Variants in CNBD1 observed in about 807,000 individuals in gnomAD.
CNBD1 encodes the protein cyclic nucleotide binding domain containing 1.
Under a neutral mutation model 54.4 loss-of-function variants are expected in CNBD1, and 71 were observed. That is an observed-to-expected ratio of 1.30 (90% CI 1.08 to 1.59). The LOEUF (loss-of-function observed/expected upper bound fraction) is 1.59, where lower values mean the gene tolerates loss of function less well. CNBD1 is among the 40% of genes most tolerant of loss of function. CNBD1 has a pLI of 0.00. For missense variants in CNBD1, 659 were observed against 518.0 expected, an observed-to-expected ratio of 1.27 and a Z score of -2.64; for synonymous variants, 182 against 170.7, an observed-to-expected ratio of 1.07 and a Z score of -0.51.
intron 10 of CNBD1, among the ~76,000 whole-genome samples, chr8:87,374,217 T>G (rs1229343412): frequency 6.6e-6 from 1 of 151,824 alleles, no homozygotes; most frequent in African/African-American, 2.4e-5. Flanking sequence ...TTGTGAATAT[T>G]TACCGTGCAC....
At chr8:87,062,082 G>A (rs1345122868) in intron 4 of CNBD1, among the ~76,000 whole-genome samples, 1 of 152,224 alleles carries the variant, frequency 6.6e-6, no homozygotes, top group Non-Finnish European at 1.5e-5. Flanking sequence ...TTGATGGTCA[G>A]CAAGTCAGCT....
intron 4 of CNBD1, among the ~76,000 whole-genome samples, chr8:86,953,737 G>A (rs995998402): frequency 6.6e-6 from 1 of 151,976 alleles, no homozygotes; most frequent in African/African-American, 2.4e-5. Context: ...CATGATGGTG[G>A]GTGCCTGTAA....
intron 4 of CNBD1, among the ~76,000 whole-genome samples, chr8:87,084,314 A>G (rs1811056668): frequency 6.6e-6 from 1 of 152,192 alleles, no homozygotes; most frequent in African/African-American, 2.4e-5. Context: ...TCTGTCTGGT[A>G]TTATAATCCT....
At chr8:86,935,009 GTTTGTTTGTTTATTTATTTA>G (rs1212997954) in intron 3 of CNBD1, among the ~76,000 whole-genome samples, 37 of 141,434 alleles carry the variant, frequency 2.6e-4, no homozygotes, top group Middle Eastern at 3.6e-3. Flanking sequence ...ATTTGGGTTT[GTTTGTTTGTTTATTTATTTA>G]TTTATTTATT....
chr8:86,947,425 T>G (rs1445195349), intron 4 of CNBD1, among the ~76,000 whole-genome samples: 1 of 152,230 alleles, frequency 6.6e-6, no homozygotes, highest in East Asian at 1.9e-4. Flanking sequence ...TTGGGCTCAT[T>G]GTACAGCAAG....
chr8:87,391,398 A>C (rs1046344575), intron 2 of CNBD1, among the ~76,000 whole-genome samples: 1 of 152,172 alleles, frequency 6.6e-6, no homozygotes, highest in East Asian at 1.9e-4. Flanking sequence ...AGAGTTTCAG[A>C]GTTGCCAGAA....
intron 4 of CNBD1, among the ~76,000 whole-genome samples, chr8:86,972,493 T>C (rs1353585788): frequency 1.3e-5 from 2 of 152,234 alleles, no homozygotes; most frequent in South Asian, 4.2e-4. Flanking sequence ...CTAACCTGAG[T>C]CTCTTCATTT....
chr8:87,415,102 C>A (rs188199734), intron 2 of CNBD1, among the ~76,000 whole-genome samples: 1 of 152,074 alleles, frequency 6.6e-6, no homozygotes, highest in African/African-American at 2.4e-5. Context: ...TCACAAGGAT[C>A]TGAGTGTATC....
chr8:87,339,387 C>A (rs1263627424), intron 8 of CNBD1, among the ~76,000 whole-genome samples: 1 of 152,148 alleles, frequency 6.6e-6, no homozygotes, highest in Admixed American at 6.5e-5. Flanking sequence ...GCGTCATTTC[C>A]CATGGAAATT....
chr8:87,087,247 G>GTATATATATATATATACGTATA (rs35466004), intron 4 of CNBD1, among the ~76,000 whole-genome samples: 1 of 132,150 alleles, frequency 7.6e-6, no homozygotes, highest in African/African-American at 2.9e-5. Flanking sequence ...ATATATATAC[G>GTATATATATATATATACGTATA]TATATATATA....
At chr8:87,128,508 T>C (rs1812047006) in intron 4 of CNBD1, among the ~76,000 whole-genome samples, 1 of 152,234 alleles carries the variant, frequency 6.6e-6, no homozygotes, top group African/African-American at 2.4e-5. Context: ...TTCACAGGTT[T>C]TTCACAGATC....
At chr8:87,049,363 C>T (rs1371093881) in intron 4 of CNBD1, among the ~76,000 whole-genome samples, 3 of 152,132 alleles carry the variant, frequency 2.0e-5, no homozygotes, top group Non-Finnish European at 4.4e-5. Context: ...ACATGGAGAA[C>T]CAGGAAAGCA....
intron 5 of CNBD1, among the ~76,000 whole-genome samples, chr8:87,232,185 C>T (rs149702052): frequency 0.011 from 1,708 of 152,222 alleles, 10 homozygotes; most frequent in Non-Finnish European, 0.016. Flanking sequence ...TCCAGAGGGA[C>T]ACCTGAGATT....
intron 4 of CNBD1, among the ~76,000 whole-genome samples, chr8:86,951,114 A>C (rs1807607020): frequency 6.6e-6 from 1 of 152,092 alleles, no homozygotes; most frequent in Admixed American, 6.5e-5. Context: ...TCTTGTTTTT[A>C]AGTTTTCAGC....
intron 6 of CNBD1, among the ~76,000 whole-genome samples, chr8:87,270,612 G>A (rs1417744371): frequency 6.6e-6 from 1 of 151,594 alleles, no homozygotes; most frequent in Non-Finnish European, 1.5e-5. Flanking sequence ...CCCATTACTG[G>A]GTATATAACC....
chr8:87,018,224 C>T (rs1028877132), intron 4 of CNBD1, among the ~76,000 whole-genome samples: 2 of 152,146 alleles, frequency 1.3e-5, no homozygotes, highest in Non-Finnish European at 2.9e-5. Context: ...GCCTGGGCAA[C>T]GAGAGCAAAA....
At position 87,249,212 on chromosome 8, in the gene CNBD1, A is replaced by G. The variant is rs971543029; in HGVS notation, c.771+12100A>G. 9.2e-5 allele frequency among the ~76,000 whole-genome samples: 14 copies of G among 152,292 alleles called. No individual in the cohort carries two copies. The East Asian group carries it at 9.7e-4, about 11-fold the overall frequency. On this transcript the variant is annotated intron_variant, in intron 6 of 10. Coordinates refer to ENST00000518476, the MANE Select transcript of CNBD1 (RefSeq NM_173538.3). ...GATTCTCATAAGGAGCACACAACCT[A>G]GATCCCTCCCATGCACAGTTCACAA...
chr8:87,201,199 GA>G lies in CNBD1; in HGVS notation c.432-4787del, dbSNP rs576914805. ...ACAAAATCCAACACCCATTCATGAT[GA>G]AAAAAAGTACTCAACATAATAAGAA... On this transcript the variant is annotated intron_variant, in intron 4 of 10. Transcript: ENST00000518476. Among the ~76,000 whole-genome samples, 7 of 152,016 alleles carry G rather than the reference GA, an allele frequency of 4.6e-5. 1 individual carries two copies. The Middle Eastern group carries it at 0.014, about 295-fold the overall frequency.
chr8:87,169,478 C>T (rs1440814419), intron 4 of CNBD1, among the ~76,000 whole-genome samples: 2 of 151,958 alleles, frequency 1.3e-5, no homozygotes, highest in Non-Finnish European at 1.5e-5. Context: ...AAGAAATCTT[C>T]GCCCACCCTA....
Sources: allele counts gnomAD v4.1 joint callset (sites outside exome capture counted in the v4.1 genomes callset), GRCh38; gene constraint gnomAD v4.1.1; transcripts MANE v1.5; gene names NCBI Gene and HGNC (gene_info 2026-07-23, HGNC 2026-07-21).